TCF7L1: variants seen among roughly 807,000 people sequenced by gnomAD.
TCF7L1 encodes the protein transcription factor 7-like 1.
Under a neutral mutation model 63.7 loss-of-function variants are expected in TCF7L1, and 18 were observed. That is an observed-to-expected ratio of 0.28 (90% CI 0.20 to 0.42). The LOEUF (loss-of-function observed/expected upper bound fraction) is 0.42. TCF7L1 is among the 10% of genes least tolerant of loss of function. TCF7L1 has a pLI of 1.00. For synonymous variants in TCF7L1, 355 were observed against 340.9 expected (o/e 1.04, Z -0.46); for missense variants, 654 against 779.3 (o/e 0.84, Z 1.91).
chr2:85,192,104 AG>A (rs932182412), intron 3 of TCF7L1, among the ~76,000 whole-genome samples: 2 of 152,214 alleles, frequency 1.3e-5, no homozygotes, highest in African/African-American at 4.8e-5. Context: ...GCCTGATGGC[AG>A]GTGCAGCCAC....
intron 3 of TCF7L1, among the ~76,000 whole-genome samples, chr2:85,177,188 C>T (rs899244105): frequency 6.6e-6 from 1 of 151,976 alleles, no homozygotes; most frequent in African/African-American, 2.4e-5. Flanking sequence ...AGAGAACAAG[C>T]CAGCTCTCTG....
At chr2:85,276,507 A>G (rs963504876) in intron 3 of TCF7L1, among the ~76,000 whole-genome samples, 6 of 152,212 alleles carry the variant, frequency 3.9e-5, no homozygotes, top group Non-Finnish European at 7.3e-5. Flanking sequence ...TAACCGTATT[A>G]TAAATGAAAA....
rs1186074246 is a variant in TCF7L1, at chr2:85,134,264, G to A, written c.314-59G>A. 6.6e-7 allele frequency: 1 copy of A among 1,506,534 alleles called. No homozygotes were observed. Among genetic ancestry groups the A allele is most frequent in the Non-Finnish European group, 8.9e-7 (1 of 1,125,822 alleles). The allele number at this position is 1,506,534 out of a possible 1,614,324, so 93.3% of individuals were successfully genotyped here. A position where few individuals can be genotyped will look rare whatever the true frequency, so the allele number is the denominator to read the frequency against. On this transcript the variant is annotated intron_variant, in intron 2 of 11. Coordinates refer to ENST00000282111, the MANE Select transcript of TCF7L1 (RefSeq NM_031283.3). This position sits in a 1 kb window ranked among gnomAD's most constrained non-coding sequence, Gnocchi z 5.0. ...CCCCAGCTCCCGCCTCGAGCCCCCTGCCGCGGCGCTGTCAGTCCCGGGGGC... is the reference window on the plus strand; with the variant it reads ...CCCCAGCTCCCGCCTCGAGCCCCCTACCGCGGCGCTGTCAGTCCCGGGGGC...
At chr2:85,247,142 A>G (rs985296474) in intron 3 of TCF7L1, among the ~76,000 whole-genome samples, 1 of 152,230 alleles carries the variant, frequency 6.6e-6, no homozygotes, top group Non-Finnish European at 1.5e-5. Flanking sequence ...GCAGTTCAAC[A>G]GAATCCATTT....
intron 3 of TCF7L1, among the ~76,000 whole-genome samples, chr2:85,265,514 A>G (rs894628735): frequency 4.6e-5 from 7 of 152,092 alleles, no homozygotes; most frequent in Admixed American, 4.6e-4. Context: ...GAGAGTGTCC[A>G]GGGCGGGGCT....
At chr2:85,175,903 T>C (rs952744491) in intron 3 of TCF7L1, among the ~76,000 whole-genome samples, 1 of 152,226 alleles carries the variant, frequency 6.6e-6, no homozygotes, top group Non-Finnish European at 1.5e-5. Context: ...TCAGTCTTTG[T>C]TTTTGGCTGT....
chr2:85,188,405 T>C (rs1572983213), intron 3 of TCF7L1, among the ~76,000 whole-genome samples: 1 of 152,344 alleles, frequency 6.6e-6, no homozygotes, highest in East Asian at 1.9e-4. Context: ...GCTAGATGCT[T>C]GGAACCTCCC....
intron 3 of TCF7L1, among the ~76,000 whole-genome samples, chr2:85,155,261 C>T (rs1270080333): frequency 2.6e-5 from 4 of 152,184 alleles, no homozygotes; most frequent in Non-Finnish European, 4.4e-5. Flanking sequence ...GACCAATCAG[C>T]ACTCTGTAAA....
intron 3 of TCF7L1, among the ~76,000 whole-genome samples, chr2:85,242,607 G>A (rs1010988973): frequency 6.6e-6 from 1 of 152,186 alleles, no homozygotes; most frequent in Non-Finnish European, 1.5e-5. Flanking sequence ...ATGGGGCTTG[G>A]CATTGAGGTT....
intron 3 of TCF7L1, among the ~76,000 whole-genome samples, chr2:85,191,900 C>T (rs1679044297): frequency 6.6e-6 from 1 of 152,030 alleles, no homozygotes; most frequent in Non-Finnish European, 1.5e-5. Context: ...GAAGAAACTT[C>T]ATCTTCAAGT....
chr2:85,262,560 C>T (rs1202002557), intron 3 of TCF7L1, among the ~76,000 whole-genome samples: 1 of 152,198 alleles, frequency 6.6e-6, no homozygotes, highest in Admixed American at 6.5e-5. Context: ...CCAAGCATTT[C>T]ATCAAGGACT....
chr2:85,206,727 C>G (rs1679418231), intron 3 of TCF7L1, among the ~76,000 whole-genome samples: 1 of 152,160 alleles, frequency 6.6e-6, no homozygotes, highest in Non-Finnish European at 1.5e-5. Context: ...GAGATAATGC[C>G]TCCCTTCAAA....
chr2:85,143,824 T>C (rs1344155778), intron 3 of TCF7L1, among the ~76,000 whole-genome samples: 1 of 152,236 alleles, frequency 6.6e-6, no homozygotes, highest in East Asian at 1.9e-4. Context: ...CTTTACACAT[T>C]GGACCTGAGA....
intron 4 of TCF7L1, among the ~76,000 whole-genome samples, chr2:85,291,748 T>C (rs1055085479): frequency 6.6e-6 from 1 of 152,168 alleles, no homozygotes; most frequent in East Asian, 1.9e-4. Flanking sequence ...AGGATCTCAC[T>C]CTGTCACCTA....
intron 3 of TCF7L1, among the ~76,000 whole-genome samples, chr2:85,234,522 C>A (rs542652409): frequency 1.3e-5 from 2 of 152,240 alleles, no homozygotes; most frequent in African/African-American, 2.4e-5. Flanking sequence ...TGAAGGAATG[C>A]CCCCATTCTT....
chr2:85,156,385 C>T (rs1265868263), intron 3 of TCF7L1, among the ~76,000 whole-genome samples: 2 of 152,190 alleles, frequency 1.3e-5, no homozygotes, highest in Non-Finnish European at 2.9e-5. Flanking sequence ...CTTCAGCTTC[C>T]TTTTCCTCCA....
At chr2:85,195,263 C>T (rs1368979922) in intron 3 of TCF7L1, among the ~76,000 whole-genome samples, 1 of 152,178 alleles carries the variant, frequency 6.6e-6, no homozygotes, top group Admixed American at 6.5e-5. Flanking sequence ...TGAAAAGAAC[C>T]AGCACCTGGC....
At chr2:85,160,521 G>A (rs889528298) in intron 3 of TCF7L1, among the ~76,000 whole-genome samples, 6 of 152,154 alleles carry the variant, frequency 3.9e-5, no homozygotes, top group South Asian at 2.1e-4. Flanking sequence ...TACTGCGCTC[G>A]GCCTTATTTT....
In TCF7L1 at chr2:85,160,592, C is replaced by T. The variant is rs571366726; in HGVS notation, c.441+26142C>T. ...GCAGGCTGGGTGCAGTGGCTCACACCTGTAATCCTAGCACTTTCGGAGGCC... is the reference window on the plus strand; with the variant it reads ...GCAGGCTGGGTGCAGTGGCTCACACTTGTAATCCTAGCACTTTCGGAGGCC... On this transcript the variant is annotated intron_variant, in intron 3 of 11. Transcript: ENST00000282111. 3.9e-5 allele frequency among the ~76,000 whole-genome samples: 6 copies of T among 152,238 alleles called. No individual in the cohort carries two copies. The South Asian group carries it at 1.2e-3, about 32-fold the overall frequency.
Sources: allele counts gnomAD v4.1 joint callset (sites outside exome capture counted in the v4.1 genomes callset), GRCh38; gene constraint gnomAD v4.1.1; non-coding constraint Gnocchi (gnomAD v3.1); transcripts MANE v1.5; gene names NCBI Gene and HGNC (gene_info 2026-07-23, HGNC 2026-07-21).